Variants in NCKAP5 observed in about 807,000 individuals in gnomAD.
The protein encoded by NCKAP5 is nck-associated protein 5.
Under a neutral mutation model 167.0 loss-of-function variants are expected in NCKAP5, and 92 were observed. The observed-to-expected ratio is 0.55, with a 90% confidence interval of 0.47 to 0.66. The LOEUF is 0.66. Among genes scored for constraint, NCKAP5 ranks in the 30% least tolerant of loss-of-function variants. NCKAP5 has a pLI of 0.00. For missense variants in NCKAP5, 2,378 were observed against 2,315.0 expected (o/e 1.03, Z -0.56); for synonymous variants, 891 against 877.4 (o/e 1.02, Z -0.27).
chr2:133,071,170 G>C (rs995662196), intron 6 of NCKAP5, among the ~76,000 whole-genome samples: 10 of 152,236 alleles, frequency 6.6e-5, no homozygotes, highest in Middle Eastern at 3.2e-3. Context: ...CAACAGAAAA[G>C]TAAAGCTGAG....
In NCKAP5 at chr2:132,860,733, C is replaced by T. The variant is rs1689832336; in HGVS notation, c.688-122G>A. ...AACGGTATTTTTATTCTTCAAAGCCCCCAGAAGTAAATCACATACGTTTTC... is the reference window on the plus strand; with the variant it reads ...AACGGTATTTTTATTCTTCAAAGCCTCCAGAAGTAAATCACATACGTTTTC... On this transcript the variant is annotated intron_variant, in intron 10 of 19. Coordinates refer to ENST00000409261, the MANE Select transcript of NCKAP5 (RefSeq NM_207363.3). 3 of 1,235,380 alleles carry T rather than the reference C, an allele frequency of 2.4e-6. No individual in the cohort carries two copies. The African/African-American group carries it at 4.6e-5, about 19-fold the overall frequency. The allele number at this position is 1,235,380 out of a possible 1,614,324, so 76.5% of individuals were successfully genotyped here. A position where few individuals can be genotyped will look rare whatever the true frequency, so the allele number is the denominator to read the frequency against.
At chr2:133,374,219 C>T (rs1192877090) in intron 3 of NCKAP5, among the ~76,000 whole-genome samples, 1 of 152,120 alleles carries the variant, frequency 6.6e-6, no homozygotes, top group Non-Finnish European at 1.5e-5. Context: ...CATAGAGGAA[C>T]CTTAAATGCA....
At chr2:133,374,989 T>G (rs1686048081) in intron 3 of NCKAP5, among the ~76,000 whole-genome samples, 1 of 152,158 alleles carries the variant, frequency 6.6e-6, no homozygotes, top group African/African-American at 2.4e-5. Context: ...TTTCAAACAA[T>G]TCCAAGTTCA....
Position 132,892,652 on chromosome 2 carries a change from A to G in NCKAP5, c.580-13736T>C, listed in dbSNP as rs184305560. Among the ~76,000 whole-genome samples, 246 of 152,352 alleles carry G rather than the reference A, an allele frequency of 1.6e-3. 3 individuals carry two copies. Among genetic ancestry groups the G allele is most frequent in the African/African-American group, 5.6e-3 (233 of 41,584 alleles). ...ACTCATTGACTGATTTGCAGAAAAGAATATCAATTAATATATTGACTTTAT... is the reference window on the plus strand; with the variant it reads ...ACTCATTGACTGATTTGCAGAAAAGGATATCAATTAATATATTGACTTTAT... On this transcript the variant is annotated intron_variant, in intron 8 of 19. Coordinates refer to ENST00000409261, the MANE Select transcript of NCKAP5 (RefSeq NM_207363.3).
intron 16 of NCKAP5, among the ~76,000 whole-genome samples, chr2:132,738,171 A>G (rs927580332): frequency 2.6e-5 from 4 of 152,238 alleles, no homozygotes; most frequent in Non-Finnish European, 2.9e-5. Flanking sequence ...GCCAGACTTC[A>G]TTAATTTAGA....
At chr2:132,863,166 G>A (rs1690067655) in intron 10 of NCKAP5, among the ~76,000 whole-genome samples, 1 of 152,136 alleles carries the variant, frequency 6.6e-6, no homozygotes, top group Non-Finnish European at 1.5e-5. Context: ...TGTGTCTCAT[G>A]CTGATTTTTG....
Position 132,796,699 on chromosome 2 carries a change from A to G in NCKAP5, c.838T>C (p.Ser280Pro), listed in dbSNP as rs1176819029. 1 of 1,613,300 alleles carries G rather than the reference A, an allele frequency of 6.2e-7. No homozygotes were observed. The highest frequency in any genetic ancestry group is 8.5e-7 in the Non-Finnish European group (1 of 1,179,636). The change falls in exon 12 of 20, where the codon TCT (serine) becomes CCT (proline). Residue 280 changes from serine to proline, a missense_variant. Ser to Pro is a moderately conservative substitution (Grantham distance 74). Around this residue, in one of 3 missense-constraint regions of NCKAP5, gnomAD observed 1,049 missense variants for 1,023.4 expected, o/e 1.02. Coordinates refer to ENST00000409261, the MANE Select transcript of NCKAP5 (RefSeq NM_207363.3). The stretch of plus-strand genomic sequence containing the variant: ...TCCACCTCTGAAAGCAAATCTCCAG[A>G]TGAAAGATCCAAGAGACGTGAGTGA... ...KLHSRLLDLSSGDLLSEVERN... is the reference protein window; with the variant it reads ...KLHSRLLDLSPGDLLSEVERN...
the NCKAP5 span, among the ~76,000 whole-genome samples, chr2:133,616,778 G>C: frequency 2.0e-5 from 3 of 152,038 alleles, no homozygotes; most frequent in African/African-American, 7.2e-5. Flanking sequence ...TAGAAAAAGA[G>C]GGAATCCTCC....
At chr2:132,995,445 G>A (rs537078204) in intron 6 of NCKAP5, among the ~76,000 whole-genome samples, 195 of 152,020 alleles carry the variant, frequency 1.3e-3, no homozygotes, top group African/African-American at 4.5e-3. Flanking sequence ...GAGGTCAGGA[G>A]TTTGAAACTA....
Position 132,749,343 on chromosome 2 carries a change from A to T in NCKAP5, c.5129-17292T>A, listed in dbSNP as rs114585017. On this transcript the variant is annotated intron_variant, in intron 16 of 19. Coordinates refer to ENST00000409261, the MANE Select transcript of NCKAP5 (RefSeq NM_207363.3). ...GTCAGCCTCCTCAGTAGCTGGGGCT[A>T]CAGGTGCAAGCCACCATGCCTGGCT... Among the ~76,000 whole-genome samples, 908 of 152,248 alleles carry T rather than the reference A, an allele frequency of 6.0e-3. 11 individuals carry two copies. Among genetic ancestry groups the T allele is most frequent in the African/African-American group, 0.021 (869 of 41,546 alleles).
intron 5 of NCKAP5, among the ~76,000 whole-genome samples, chr2:133,176,221 C>CA (rs2150011811): frequency 6.6e-6 from 1 of 152,308 alleles, no homozygotes; most frequent in Non-Finnish European, 1.5e-5. Context: ...ATCAAAGTCC[C>CA]AGGCGCTCAC....
At chr2:132,781,352 C>T (rs775406384) in intron 14 of NCKAP5, 123 bp from the exon 15 acceptor site, 38 of 878,460 alleles carry the variant, frequency 4.3e-5, no homozygotes, top group East Asian at 1.4e-4. Flanking sequence ...AAACCTTTGA[C>T]GGATAAGGGT....
intron 3 of NCKAP5, among the ~76,000 whole-genome samples, chr2:133,415,685 C>T (rs1318997966): frequency 6.6e-6 from 1 of 152,210 alleles, no homozygotes; most frequent in East Asian, 1.9e-4. Context: ...AGCTAAACTC[C>T]AATCCCCAAC....
At chr2:133,415,604 G>A (rs1689063482) in intron 3 of NCKAP5, among the ~76,000 whole-genome samples, 1 of 152,188 alleles carries the variant, frequency 6.6e-6, no homozygotes, top group Admixed American at 6.5e-5. Context: ...GAACAAGTGT[G>A]TTTGGTCACC....
chr2:133,603,267 C>T, the NCKAP5 span, among the ~76,000 whole-genome samples: 2 of 143,522 alleles, frequency 1.4e-5, no homozygotes, highest in Non-Finnish European at 3.0e-5. Flanking sequence ...ACTCTTGTTG[C>T]CCAGGCTGAA....
chr2:133,601,331 A>G, the NCKAP5 span, among the ~76,000 whole-genome samples: 2 of 152,232 alleles, frequency 1.3e-5, no homozygotes, highest in African/African-American at 4.8e-5. Flanking sequence ...AGGAACAGGA[A>G]GACTCACCCA....
chr2:132,751,460 C>A (rs73957652), intron 16 of NCKAP5, among the ~76,000 whole-genome samples: 18,066 of 152,106 alleles, frequency 0.12, 1,664 homozygotes, highest in East Asian at 0.45. Flanking sequence ...TCCTTTATAT[C>A]CATCACAAAT....
chr2:132,904,984 C>G (rs762983657), intron 8 of NCKAP5, among the ~76,000 whole-genome samples: 12 of 152,156 alleles, frequency 7.9e-5, no homozygotes, highest in Non-Finnish European at 1.8e-4. Flanking sequence ...TCAAATCAAT[C>G]TTCTTTTTCC....
chr2:132,934,489 C>T (rs1472625307), intron 8 of NCKAP5, among the ~76,000 whole-genome samples: 5 of 151,960 alleles, frequency 3.3e-5, no homozygotes, highest in Non-Finnish European at 7.4e-5. Context: ...ACGAGAATTG[C>T]TTGAACCTGG....
Sources: allele counts gnomAD v4.1 joint callset (sites outside exome capture counted in the v4.1 genomes callset), GRCh38; gene constraint gnomAD v4.1.1; regional missense constraint gnomAD v4.1.1; transcripts MANE v1.5; gene names NCBI Gene and HGNC (gene_info 2026-07-23, HGNC 2026-07-21).